JMJD1C: variants seen among roughly 807,000 people sequenced by gnomAD.
The protein encoded by JMJD1C is jumonji domain-containing protein 1C.
Under a neutral mutation model 245.3 loss-of-function variants are expected in JMJD1C, and 31 were observed. That is an observed-to-expected ratio of 0.13 (90% CI 0.09 to 0.17). The LOEUF is 0.17. Ranked by LOEUF, JMJD1C falls within the 10% of genes least tolerant of loss-of-function variation. The pLI is 1.00. For missense variants in JMJD1C, 2,691 were observed against 3,000.2 expected (o/e 0.90, Z 2.41); for synonymous variants, 1,057 against 1,017.4 (o/e 1.04, Z -0.74).
chr10:63,278,567 G>C (rs1221297465), intron 2 of JMJD1C, among the ~76,000 whole-genome samples: 1 of 151,656 alleles, frequency 6.6e-6, no homozygotes, highest in Non-Finnish European at 1.5e-5. Context: ...ACAAAAAAAA[G>C]AGTACTGATT....
intron 1 of JMJD1C, among the ~76,000 whole-genome samples, chr10:63,439,425 T>C (rs1428005471): frequency 6.6e-6 from 1 of 152,204 alleles, no homozygotes; most frequent in Non-Finnish European, 1.5e-5. Flanking sequence ...GAGAAATGCG[T>C]TCTTTTTAAA....
intron 2 of JMJD1C, among the ~76,000 whole-genome samples, chr10:63,322,925 A>C (rs1941077698): frequency 6.6e-6 from 1 of 151,538 alleles, no homozygotes. Context: ...GATGTATATT[A>C]ACAATTGTTT....
chr10:63,240,789 A>G (rs1478750336), intron 3 of JMJD1C, among the ~76,000 whole-genome samples: 1 of 152,182 alleles, frequency 6.6e-6, no homozygotes, highest in African/African-American at 2.4e-5. Context: ...AATACAAAAG[A>G]TATTAGCTTT....
chr10:63,499,914 T>A (rs565425304), intron 1 of JMJD1C, among the ~76,000 whole-genome samples: 19 of 152,346 alleles, frequency 1.2e-4, no homozygotes, highest in Admixed American at 2.6e-4. Flanking sequence ...TTACATGATA[T>A]TTATAAATCA....
At chr10:63,290,397 C>T (rs911707344) in intron 2 of JMJD1C, among the ~76,000 whole-genome samples, 2 of 151,958 alleles carry the variant, frequency 1.3e-5, no homozygotes, top group African/African-American at 4.8e-5. Flanking sequence ...GGTGAAACCC[C>T]GTCCCTATTA....
rs1379293757 is a variant in JMJD1C at position 63,465,210 on chromosome 10, C to T, written c.168+285G>A. On this transcript the variant is annotated intron_variant, in intron 1 of 25. Transcript: ENST00000399262. ...GGGGAGGTCTCCGTGGCCGCCCAGG[C>T]GCCACAGCGGGGAGCCGCGGTCGAC... The T allele has an allele frequency of 1.8e-5, 7 of 381,440 alleles. No homozygotes were observed. The East Asian group carries it at 2.1e-4, about 11-fold the overall frequency. The allele number at this position is 381,440 out of a possible 1,614,324, so 23.6% of individuals were successfully genotyped here. A position where few individuals can be genotyped will look rare whatever the true frequency, so the allele number is the denominator to read the frequency against.
At chr10:63,292,842 A>G (rs1858940876) in intron 2 of JMJD1C, among the ~76,000 whole-genome samples, 1 of 151,894 alleles carries the variant, frequency 6.6e-6, no homozygotes, top group Admixed American at 6.6e-5. Context: ...GTCAGGAGTT[A>G]GAGACCAGCC....
chr10:63,226,234 G>A (rs919536341), intron 3 of JMJD1C, among the ~76,000 whole-genome samples: 2 of 152,142 alleles, frequency 1.3e-5, no homozygotes, highest in Non-Finnish European at 2.9e-5. Context: ...TCAAAGAGAG[G>A]AGACTTAGGG....
rs1272814964 is a variant in JMJD1C, at chr10:63,184,706, G to T, written c.6863C>A (p.Pro2288Gln). The T allele has an allele frequency of 1.2e-6, 2 of 1,610,638 alleles. No individual in the cohort carries two copies. Among genetic ancestry groups the T allele is most frequent in the Non-Finnish European group, 1.7e-6 (2 of 1,178,926 alleles). The change falls in exon 21 of 26, where the codon CCA becomes CAA. Residue 2288 changes from proline (P) to glutamine (Q), a missense_variant. Pro to Gln is a moderately conservative substitution (Grantham distance 76, BLOSUM62 -1). This residue lies in a region of JMJD1C where 232 missense variants were observed against 416.1 expected (regional missense o/e 0.56). Transcript: ENST00000399262. Reference protein sequence around the residue: ...YEDLLKSLPLPEYCNPEGKFN... With the variant: ...YEDLLKSLPLQEYCNPEGKFN... ...TTTTCCTTCTGGATTACAATATTCT[G>T]GCAATGGCAGACTTTTTAAAAGATC...
intron 2 of JMJD1C, among the ~76,000 whole-genome samples, chr10:63,371,106 T>A (rs1589605316): frequency 6.6e-6 from 1 of 151,686 alleles, no homozygotes; most frequent in Admixed American, 6.6e-5. Flanking sequence ...ACCTCCTGAG[T>A]AGCTGGGACT....
chr10:63,262,429 T>C (rs1479936262), intron 3 of JMJD1C, among the ~76,000 whole-genome samples: 1 of 152,158 alleles, frequency 6.6e-6, no homozygotes, highest in Non-Finnish European at 1.5e-5. Flanking sequence ...GGAGAAAATA[T>C]TTTTATATTT....
chr10:63,323,197 C>G (rs932746990), intron 2 of JMJD1C, among the ~76,000 whole-genome samples: 4 of 152,066 alleles, frequency 2.6e-5, no homozygotes, highest in African/African-American at 9.7e-5. Context: ...CAAGGAAAAG[C>G]CTGTTGGCCA....
Position 63,209,214 on chromosome 10 carries a change from G to A in JMJD1C, c.2716C>T (p.His906Tyr). ...GCTGAGGTCACAGGGGTGGGCTGAT[G>A]TAGCCAAGGACTGGGAGAATTCTAT... ...LRRNSPSPWL[H>Y]QPTPVTSADG... Residue 906 changes from histidine to tyrosine, a missense_variant, in exon 9 of 26, where the codon CAT (histidine) becomes TAT (tyrosine). Around this residue, in one of 9 missense-constraint regions of JMJD1C, gnomAD observed 1,562 missense variants for 1,490.7 expected, o/e 1.05. Transcript: ENST00000399262. 2 of 1,610,760 alleles carry A rather than the reference G, an allele frequency of 1.2e-6. No homozygotes were observed. The highest frequency in any genetic ancestry group is 2.2e-5 in the South Asian group (2 of 90,414).
intron 1 of JMJD1C, among the ~76,000 whole-genome samples, chr10:63,394,115 A>G (rs1395038593): frequency 6.8e-6 from 1 of 146,488 alleles, no homozygotes; most frequent in Non-Finnish European, 1.5e-5. Flanking sequence ...TGAATCCGGG[A>G]GGTAGTGGTT....
intron 1 of JMJD1C, chr10:63,427,478 G>A: frequency 8.1e-7 from 1 of 1,231,702 alleles, no homozygotes; most frequent in South Asian, 1.2e-5. Context: ...AAGACCAACA[G>A]GATGTCCCAC....
At chr10:63,280,408 G>A (rs1462800710) in intron 2 of JMJD1C, among the ~76,000 whole-genome samples, 3 of 151,396 alleles carry the variant, frequency 2.0e-5, no homozygotes, top group African/African-American at 7.3e-5. Flanking sequence ...AAATTAGCTG[G>A]GTGTGGTGGA....
At chr10:63,446,771 T>C (rs912375460) in intron 1 of JMJD1C, among the ~76,000 whole-genome samples, 9 of 152,142 alleles carry the variant, frequency 5.9e-5, no homozygotes, top group Non-Finnish European at 8.8e-5. Context: ...ACGAGGTAAT[T>C]TGCAACCTTG....
chr10:63,202,336 A>G (rs949415129), intron 10 of JMJD1C: 7 of 985,092 alleles, frequency 7.1e-6, no homozygotes, highest in East Asian at 2.3e-4. Context: ...TATTGCACCC[A>G]TATTAATGTA....
chr10:63,207,635 A>G lies in JMJD1C; in HGVS notation c.4034T>C (p.Leu1345Pro). The stretch of plus-strand genomic sequence containing the variant: ...TCTTCCAGTTTCTCCGGCTTCTGCT[A>G]GTTTGAGGCAATCTGTTTTATGTGC... ...AGAHKTDCLK[L>P]AEAGETGRII... The change falls in exon 10 of 26, where the codon CTA becomes CCA. Residue 1345 changes from leucine (L) to proline (P), a missense_variant. Leu to Pro is a moderately conservative substitution (Grantham distance 98). Around this residue, in one of 9 missense-constraint regions of JMJD1C, gnomAD observed 1,562 missense variants for 1,490.7 expected, o/e 1.05. Transcript: ENST00000399262. The G allele has an allele frequency of 6.2e-7, 1 of 1,614,084 alleles. No homozygotes were observed. Among genetic ancestry groups the G allele is most frequent in the Non-Finnish European group, 8.5e-7 (1 of 1,180,018 alleles).
Sources: allele counts gnomAD v4.1 joint callset (sites outside exome capture counted in the v4.1 genomes callset), GRCh38; gene constraint gnomAD v4.1.1; regional missense constraint gnomAD v4.1.1; transcripts MANE v1.5; gene names NCBI Gene and HGNC (gene_info 2026-07-23, HGNC 2026-07-21).